SDK1: variants seen among roughly 807,000 people sequenced by gnomAD.
SDK1 encodes protein sidekick-1.
A neutral mutation model predicts 245.5 loss-of-function variants in SDK1; 157 were observed. The observed-to-expected ratio is 0.64, with a 90% CI of 0.56 to 0.73. The LOEUF is 0.73. Among genes scored for constraint, SDK1 ranks in the 30% least tolerant of loss-of-function variants. SDK1 has a pLI of 0.00. For synonymous variants in SDK1, 1,647 were observed against 1,278.5 expected (o/e 1.29, Z -6.15); for missense variants, 3,583 against 3,002.3 (o/e 1.19, Z -4.52).
chr7:3,972,269 C>T (rs181838306), intron 12 of SDK1, among the ~76,000 whole-genome samples: 3 of 152,058 alleles, frequency 2.0e-5, no homozygotes, highest in Non-Finnish European at 2.9e-5. Flanking sequence ...TTAGTAGAGA[C>T]GGCGTTTCAC....
At chr7:3,803,295 TTTTCTTTCTTTC>T (rs142441133) in intron 4 of SDK1, among the ~76,000 whole-genome samples, 1 of 149,142 alleles carries the variant, frequency 6.7e-6, no homozygotes, top group East Asian at 1.9e-4. Context: ...TTTTCTTTTC[TTTTCTTTCTTTC>T]TTTCTTTCTT....
intron 35 of SDK1, among the ~76,000 whole-genome samples, chr7:4,196,881 C>T (rs1428027390): frequency 6.6e-6 from 1 of 152,216 alleles, no homozygotes; most frequent in Admixed American, 6.5e-5. Context: ...CAAGGGCTGC[C>T]TCTCTCCATC....
At position 3,448,583 on chromosome 7, in the gene SDK1, T is replaced by C. The variant is rs193054145; in HGVS notation, c.298+146699T>C. 9.4e-4 allele frequency among the ~76,000 whole-genome samples: 143 copies of C among 152,302 alleles called. 3 individuals carry two copies. The highest frequency in any genetic ancestry group is 9.3e-3 in the Admixed American group (143 of 15,296). On this transcript the variant is annotated intron_variant, in intron 1 of 44. Coordinates refer to ENST00000404826, the MANE Select transcript of SDK1 (RefSeq NM_152744.4). The stretch of plus-strand genomic sequence containing the variant: ...AAATTCTCTTATGAATGTTACTGTC[T>C]TATTTTTTATATAAATATCTTTTAA...
At chr7:3,499,089 T>G (rs913391201) in intron 1 of SDK1, among the ~76,000 whole-genome samples, 1 of 152,362 alleles carries the variant, frequency 6.6e-6, no homozygotes, top group Non-Finnish European at 1.5e-5. Context: ...TTCAGTAAAG[T>G]GTGCCCTTTC....
At chr7:3,973,278 G>A (rs1394769432) in intron 12 of SDK1, among the ~76,000 whole-genome samples, 1 of 152,172 alleles carries the variant, frequency 6.6e-6, no homozygotes, top group East Asian at 1.9e-4. Flanking sequence ...TTGCTGAGAA[G>A]GTAGTTTGTA....
intron 2 of SDK1, among the ~76,000 whole-genome samples, chr7:3,629,312 G>GA (rs1481026163): frequency 5.8e-5 from 5 of 86,072 alleles, no homozygotes; most frequent in African/African-American, 1.5e-4. Flanking sequence ...AAAAAAAAAA[G>GA]AAAAAAAAGA....
intron 4 of SDK1, among the ~76,000 whole-genome samples, chr7:3,774,729 A>C (rs1263661091): frequency 6.6e-6 from 1 of 152,128 alleles, no homozygotes; most frequent in African/African-American, 2.4e-5. Context: ...ATCTGAAAAA[A>C]ATAGTTGTGG....
chr7:3,843,706 A>C (rs912910358), intron 5 of SDK1, among the ~76,000 whole-genome samples: 1 of 152,156 alleles, frequency 6.6e-6, no homozygotes, highest in African/African-American at 2.4e-5. Context: ...TTTCATAGGA[A>C]ACTCGCCTGA....
At chr7:3,641,845 A>C in intron 3 of SDK1, 113 bp from the exon 4 acceptor site, 1 of 843,816 alleles carries the variant, frequency 1.2e-6, no homozygotes, top group Non-Finnish European at 1.9e-6. Context: ...TCCTGGTGTG[A>C]AATGTGGCAG....
intron 1 of SDK1, among the ~76,000 whole-genome samples, chr7:3,505,576 C>T (rs1013123385): frequency 6.6e-6 from 1 of 152,150 alleles, no homozygotes; most frequent in African/African-American, 2.4e-5. Context: ...TATATCTCTT[C>T]ACATAAAATA....
At chr7:4,262,352 C>A (rs892526020) in intron 44 of SDK1, among the ~76,000 whole-genome samples, 1 of 151,880 alleles carries the variant, frequency 6.6e-6, no homozygotes. Context: ...CTTCCAATGA[C>A]TTCACATCAA....
At chr7:3,493,638 C>G (rs1027756673) in intron 1 of SDK1, among the ~76,000 whole-genome samples, 1 of 152,180 alleles carries the variant, frequency 6.6e-6, no homozygotes, top group Non-Finnish European at 1.5e-5. Context: ...GGAATGTTAT[C>G]TTCATGAGTC....
In SDK1 at chr7:3,956,661, C is replaced by T. The variant is rs151233368; in HGVS notation, c.1151-2270C>T. ...CTGCAGGCGGTGGCAGGCTGCCCCC[C>T]AGACCTTGCCCATGCCACAGTACTA... On this transcript the variant is annotated intron_variant, in intron 7 of 44. Transcript: ENST00000404826. 4.8e-3 allele frequency among the ~76,000 whole-genome samples: 727 copies of T among 152,378 alleles called. 5 individuals are homozygous for T. Among genetic ancestry groups the T allele is most frequent in the African/African-American group, 0.017 (692 of 41,594 alleles).
intron 4 of SDK1, among the ~76,000 whole-genome samples, chr7:3,669,122 G>A (rs1783619870): frequency 6.6e-6 from 1 of 152,166 alleles, no homozygotes; most frequent in Admixed American, 6.5e-5. Flanking sequence ...AATATTAGGA[G>A]TGATAATGAA....
intron 28 of SDK1, among the ~76,000 whole-genome samples, chr7:4,140,120 T>C (rs660802): frequency 0.76 from 116,186 of 152,144 alleles, 44,459 homozygotes; most frequent in East Asian, 0.89. Flanking sequence ...CCTCGTGCTC[T>C]GGCTGCTGCA....
At chr7:3,935,735 G>A (rs1036960733) in intron 5 of SDK1, among the ~76,000 whole-genome samples, 1 of 152,196 alleles carries the variant, frequency 6.6e-6, no homozygotes, top group Non-Finnish European at 1.5e-5. Flanking sequence ...AACAAAAACA[G>A]AAAGTAACAA....
intron 5 of SDK1, among the ~76,000 whole-genome samples, chr7:3,848,556 C>A (rs11977993): frequency 5.9e-5 from 9 of 152,088 alleles, no homozygotes; most frequent in African/African-American, 1.7e-4. Context: ...AAGTTGATTC[C>A]CTTAAAACTG....
At chr7:3,952,977 C>T (rs1217743195) in intron 7 of SDK1, among the ~76,000 whole-genome samples, 1 of 152,100 alleles carries the variant, frequency 6.6e-6, no homozygotes, top group Non-Finnish European at 1.5e-5. Flanking sequence ...ACTATGAGAG[C>T]AGCCTGTGTT....
Position 4,043,862 on chromosome 7 carries a change from C to T in SDK1, c.2603-5486C>T, listed in dbSNP as rs569668217. Among the ~76,000 whole-genome samples the T allele has an allele frequency of 9.2e-5, 14 of 152,196 alleles. No homozygotes were observed. In the East Asian group the frequency reaches 9.7e-4, roughly 10 times the overall value. On this transcript the variant is annotated intron_variant, in intron 17 of 44. Transcript: ENST00000404826. ...GCTAAACCTACCGAGAATGAGATGC[C>T]GTCCTCAACCCCAGAGGTTGTGGGT...
Sources: gnomAD v4.1 joint callset for allele counts (sites outside exome capture counted in the v4.1 genomes callset) on GRCh38, gnomAD v4.1.1 for gene constraint, MANE v1.5 for transcripts, NCBI Gene and HGNC (gene_info 2026-07-23, HGNC 2026-07-21) for gene names.